NAA15: variants seen among roughly 807,000 people sequenced by gnomAD.
The protein encoded by NAA15 is N-alpha-acetyltransferase 15, NatA auxiliary subunit, also known as N-terminal acetyltransferase.
Under a neutral mutation model 114.0 loss-of-function variants are expected in NAA15, and 34 were observed. The observed-to-expected ratio is 0.30, with a 90% CI of 0.23 to 0.40. The LOEUF (loss-of-function observed/expected upper bound fraction) is 0.40, where lower values mean the gene tolerates loss of function less well. Among genes scored for constraint, NAA15 ranks in the 10% least tolerant of loss-of-function variants. NAA15 has a pLI of 1.00. For synonymous variants in NAA15, 340 were observed against 338.0 expected (o/e 1.01, Z -0.06); for missense variants, 658 against 1,004.5 (o/e 0.66, Z 4.66).
At chr4:139,347,304 T>C (rs946633146) in intron 6 of NAA15, among the ~76,000 whole-genome samples, 2 of 152,088 alleles carry the variant, frequency 1.3e-5, no homozygotes, top group Non-Finnish European at 2.9e-5. Context: ...TTGGTAAAAC[T>C]GCCCCTGGTT....
chr4:139,310,236 C>T (rs1272184065), intron 1 of NAA15, among the ~76,000 whole-genome samples: 1 of 151,910 alleles, frequency 6.6e-6, no homozygotes, highest in East Asian at 1.9e-4. Context: ...GGGCGGATCA[C>T]GAGGTCAGGA....
intron 17 of NAA15, among the ~76,000 whole-genome samples, chr4:139,381,996 A>T (rs752717048): frequency 2.6e-5 from 4 of 152,098 alleles, no homozygotes; most frequent in African/African-American, 9.7e-5. Flanking sequence ...GGGATTTGCT[A>T]CTTTCCTGAG....
chr4:139,311,448 G>A (rs1746221850), intron 1 of NAA15, among the ~76,000 whole-genome samples: 1 of 151,948 alleles, frequency 6.6e-6, no homozygotes, highest in Non-Finnish European at 1.5e-5. Flanking sequence ...GCATTACAGA[G>A]TACATTAGTG....
chr4:139,336,800 T>C, intron 2 of NAA15, 48 bp from the exon 3 acceptor site: 2 of 1,089,898 alleles, frequency 1.8e-6, no homozygotes, highest in Non-Finnish European at 2.6e-6. Context: ...TTATTTTTAA[T>C]ATTTATTTTT....
At chr4:139,344,536 T>A (rs1279533924) in intron 6 of NAA15, among the ~76,000 whole-genome samples, 197 bp downstream of exon 6, 4 of 152,132 alleles carry the variant, frequency 2.6e-5, no homozygotes, top group Non-Finnish European at 5.9e-5. Flanking sequence ...AGGAGAAAGT[T>A]GATTGTGAAC....
intron 1 of NAA15, among the ~76,000 whole-genome samples, chr4:139,333,839 G>T (rs180811805): frequency 6.6e-6 from 1 of 152,058 alleles, no homozygotes; most frequent in African/African-American, 2.4e-5. Flanking sequence ...GGATATGGTC[G>T]CTGTGAGCTG....
intron 14 of NAA15, 39 bp from the exon 15 acceptor site, chr4:139,370,172 C>T (rs908683316): frequency 7.2e-7 from 1 of 1,395,750 alleles, no homozygotes; most frequent in Non-Finnish European, 9.5e-7. Context: ...ATCTGATTAA[C>T]ATGCTTGTTA....
At chr4:139,381,598 C>G (rs920861966) in intron 17 of NAA15, among the ~76,000 whole-genome samples, 3 of 151,758 alleles carry the variant, frequency 2.0e-5, no homozygotes, top group Non-Finnish European at 4.4e-5. Flanking sequence ...GTTTAATTTT[C>G]TCATTTATTT....
chr4:139,340,286 C>T (rs1747338884), intron 3 of NAA15, among the ~76,000 whole-genome samples: 2 of 152,172 alleles, frequency 1.3e-5, no homozygotes, highest in Non-Finnish European at 2.9e-5. Flanking sequence ...CACACCACGA[C>T]ACTCCAGACT....
At chr4:139,385,692 C>A (rs529451934) in intron 18 of NAA15, among the ~76,000 whole-genome samples, 4 of 152,278 alleles carry the variant, frequency 2.6e-5, no homozygotes, top group Admixed American at 1.3e-4. Flanking sequence ...TTAAGCCCAG[C>A]AGCTTTGTAT....
At chr4:139,332,571 TG>T (rs1366518687) in intron 1 of NAA15, among the ~76,000 whole-genome samples, 1 of 140,340 alleles carries the variant, frequency 7.1e-6, no homozygotes, top group East Asian at 2.1e-4. Flanking sequence ...TTGGTTTGTA[TG>T]TTTTTTTTTT....
intron 6 of NAA15, 148 bp from the exon 7 acceptor site, chr4:139,349,314 T>C: frequency 1.6e-6 from 1 of 607,098 alleles, no homozygotes; most frequent in South Asian, 3.0e-5. Context: ...ACTTGGTAAA[T>C]GATCTTAAGG....
chr4:139,383,365 C>G (rs1308102158), intron 17 of NAA15, among the ~76,000 whole-genome samples: 1 of 152,186 alleles, frequency 6.6e-6, no homozygotes, highest in Non-Finnish European at 1.5e-5. Context: ...CAGACTCTCT[C>G]TTTATACCAA....
At chr4:139,333,685 A>C (rs1474308407) in intron 1 of NAA15, among the ~76,000 whole-genome samples, 1 of 152,118 alleles carries the variant, frequency 6.6e-6, no homozygotes, top group African/African-American at 2.4e-5. Context: ...ATCGCTTGAG[A>C]ATCTTGGAGT....
At chr4:139,322,716 G>C (rs1560956644) in intron 1 of NAA15, among the ~76,000 whole-genome samples, 1 of 152,144 alleles carries the variant, frequency 6.6e-6, no homozygotes, top group Non-Finnish European at 1.5e-5. Flanking sequence ...TTTTGAGACG[G>C]AGTCTTGCTC....
In NAA15 at chr4:139,301,828, C is replaced by A; in HGVS notation, c.51C>A (p.Ile17=). 1 of 1,593,524 alleles carries A rather than the reference C, an allele frequency of 6.3e-7. No individual in the cohort carries two copies. The highest frequency in any genetic ancestry group is 8.5e-7 in the Non-Finnish European group (1 of 1,169,870). The change falls in exon 1 of 20, where the codon ATC becomes ATA. Residue 17 remains isoleucine, a synonymous_variant. Transcript: ENST00000296543. Reference sequence around the variant, plus strand: ...AGGAGAATGCGCTCTTCAAGCGGATCTTGGTAAGTGTGAGGCTCCGGGCAA... The same window carrying A: ...AGGAGAATGCGCTCTTCAAGCGGATATTGGTAAGTGTGAGGCTCCGGGCAA... ...PPKENALFKR[I]LRCYEHKQYR... is the part of the protein sequence containing the mutation.
At chr4:139,376,242 C>T (rs951999565) in intron 15 of NAA15, 123 bp from the exon 16 acceptor site, 1 of 610,738 alleles carries the variant, frequency 1.6e-6, no homozygotes, top group African/African-American at 1.9e-5. Context: ...TAAAATATGA[C>T]AGTGTTTTTC....
chr4:139,368,645 T>G (rs148602214), intron 14 of NAA15, among the ~76,000 whole-genome samples: 1 of 152,210 alleles, frequency 6.6e-6, no homozygotes, highest in African/African-American at 2.4e-5. Context: ...AATATTAATG[T>G]TACATACCTT....
rs141997683 is a variant in NAA15, at chr4:139,342,609, C to G, written c.403-217C>G. 5.9e-3 allele frequency among the ~76,000 whole-genome samples: 892 copies of G among 151,768 alleles called. 3 individuals are homozygous for G. The highest frequency in any genetic ancestry group is 0.017 in the South Asian group (81 of 4,788). Reference sequence around the variant, plus strand: ...GGACCACAGGCGTGCACCACCATGCCCAGTTAATTTTTGTATTTTTGATAG... The same window carrying G: ...GGACCACAGGCGTGCACCACCATGCGCAGTTAATTTTTGTATTTTTGATAG... On this transcript the variant is annotated intron_variant, in intron 4 of 19. Coordinates refer to ENST00000296543, the MANE Select transcript of NAA15 (RefSeq NM_057175.5).
Sources: gnomAD v4.1 joint callset for allele counts (sites outside exome capture counted in the v4.1 genomes callset) on GRCh38, gnomAD v4.1.1 for gene constraint, MANE v1.5 for transcripts, NCBI Gene and HGNC (gene_info 2026-07-23, HGNC 2026-07-21) for gene names.